Variants in TRIM24 observed in about 807,000 individuals in gnomAD.
TRIM24 encodes the protein tripartite motif containing 24, also known as transcription intermediary factor 1-alpha.
TRIM24 carries 29 observed loss-of-function variants against 123.9 expected under a neutral mutation model. That is an observed-to-expected ratio of 0.23 (90% CI 0.17 to 0.32). The LOEUF (loss-of-function observed/expected upper bound fraction) is 0.32, where lower values mean the gene tolerates loss of function less well. TRIM24 is among the 10% of genes least tolerant of loss of function. The pLI is 1.00. For synonymous variants in TRIM24, 456 were observed against 461.1 expected, an observed-to-expected ratio of 0.99 and a Z score of 0.14; for missense variants, 932 against 1,295.3, an observed-to-expected ratio of 0.72 and a Z score of 4.31.
chr7:138,475,535 G>A (rs1289554866), intron 1 of TRIM24, among the ~76,000 whole-genome samples: 1 of 152,152 alleles, frequency 6.6e-6, no homozygotes, highest in African/African-American at 2.4e-5. Flanking sequence ...TTTCGTTGCT[G>A]TTTTGAGTCT....
chr7:138,508,686 T>TGCGC (rs1168887347), intron 2 of TRIM24, among the ~76,000 whole-genome samples: 42 of 86,004 alleles, frequency 4.9e-4, no homozygotes, highest in Admixed American at 2.1e-3. Flanking sequence ...TGTGTGTGTG[T>TGCGC]GTGTGTGCGC....
At chr7:138,563,951 C>T (rs7798697) in intron 9 of TRIM24, among the ~76,000 whole-genome samples, 8,327 of 152,254 alleles carry the variant, frequency 0.055, 747 homozygotes, top group African/African-American at 0.19. Flanking sequence ...GTTAAGTGTG[C>T]CTTCAGGTGC....
intron 1 of TRIM24, among the ~76,000 whole-genome samples, chr7:138,474,820 TATC>T (rs773376151): frequency 1.3e-5 from 2 of 152,230 alleles, no homozygotes; most frequent in African/African-American, 2.4e-5. Context: ...TTTACACTAA[TATC>T]ATGCTGTTGA....
chr7:138,512,532 G>A lies in TRIM24; in HGVS notation c.484-2680G>A, dbSNP rs150362775. Among the ~76,000 whole-genome samples the A allele has an allele frequency of 2.3e-3, 348 of 152,236 alleles. 3 individuals are homozygous for A. The highest frequency in any genetic ancestry group is 7.8e-3 in the African/African-American group (322 of 41,540). ...CCAAATCTCACCTCATGCATTCTGT[G>A]TATCTGCAGGTTTAACAGCACATGG... On this transcript the variant is annotated intron_variant, in intron 2 of 18. Transcript: ENST00000343526.
Position 138,585,013 on chromosome 7 carries a change from C to A in TRIM24, c.*62C>A. The A allele has an allele frequency of 7.0e-7, 1 of 1,420,720 alleles. No individual in the cohort carries two copies. Among genetic ancestry groups the A allele is most frequent in the South Asian group, 1.3e-5 (1 of 74,804 alleles). 88.0% of individuals were successfully genotyped at this position (1,420,720 alleles called of 1,614,324 possible). A position where few individuals can be genotyped will look rare whatever the true frequency, so the allele number is the denominator to read the frequency against. On this transcript the variant is annotated 3_prime_UTR_variant, in exon 19 of 19. Coordinates refer to ENST00000343526, the MANE Select transcript of TRIM24 (RefSeq NM_015905.3). ...TTTTTGTTTTCAAAAAAACATTTGT[C>A]AGTAATTTAACATCACTACAAAAAG...
At chr7:138,582,379 A>G (rs1359731165) in intron 17 of TRIM24, among the ~76,000 whole-genome samples, 1 of 152,026 alleles carries the variant, frequency 6.6e-6, no homozygotes, top group Non-Finnish European at 1.5e-5. Context: ...CGTCTCTACT[A>G]AAAATACAAA....
At chr7:138,545,622 G>T in intron 7 of TRIM24, 2 of 426,366 alleles carry the variant, frequency 4.7e-6, no homozygotes, top group Non-Finnish European at 9.5e-6. Flanking sequence ...CTGTATGTGT[G>T]TATGTATTCG....
intron 1 of TRIM24, among the ~76,000 whole-genome samples, chr7:138,461,831 T>G (rs1794982361): frequency 6.6e-6 from 1 of 152,206 alleles, no homozygotes; most frequent in South Asian, 2.1e-4. Context: ...TTTAATACTT[T>G]TTAGAGGAAA....
rs1398259972 is a variant in TRIM24, at chr7:138,460,362, C to G, written c.-187C>G. 8 of 511,212 alleles carry G rather than the reference C, an allele frequency of 1.6e-5. No homozygotes were observed. The highest frequency in any genetic ancestry group is 2.4e-5 in the Non-Finnish European group (8 of 330,234). 31.7% of individuals were successfully genotyped at this position (511,212 alleles called of 1,614,324 possible). A position where few individuals can be genotyped will look rare whatever the true frequency, so the allele number is the denominator to read the frequency against. ...AGATACCCTCCTTCCGGCCGCGCCA[C>G]TCGGGAGGCGGATCCCGTGGGCCTG... On this transcript the variant is annotated 5_prime_UTR_variant, in exon 1 of 19. Transcript: ENST00000343526.
intron 1 of TRIM24, among the ~76,000 whole-genome samples, chr7:138,499,207 T>C (rs1795978015): frequency 6.6e-6 from 1 of 152,238 alleles, no homozygotes; most frequent in Non-Finnish European, 1.5e-5. Context: ...GTTCTCACTT[T>C]ATCTCTTGTA....
chr7:138,580,683 A>G lies in TRIM24; in HGVS notation c.2707A>G (p.Ile903Val), dbSNP rs1357573771. ...TGAAGGCCTTGTTAAGTTAACACCT[A>G]TAGATAAAAGGGTAAGTCTTTGGTA... ...KTEGLVKLTP[I>V]DKRKCERLLL... Residue 903 changes from isoleucine to valine, a missense_variant, in exon 16 of 19, where the codon ATA becomes GTA. Ile to Val is a conservative substitution (Grantham distance 29). Coordinates refer to ENST00000343526, the MANE Select transcript of TRIM24 (RefSeq NM_015905.3). 1.2e-6 allele frequency: 2 copies of G among 1,613,516 alleles called. No homozygotes were observed. Among genetic ancestry groups the G allele is most frequent in the South Asian group, 1.1e-5 (1 of 90,992 alleles).
At chr7:138,552,037 T>C (rs2116631693) in intron 8 of TRIM24, among the ~76,000 whole-genome samples, 1 of 152,324 alleles carries the variant, frequency 6.6e-6, no homozygotes, top group East Asian at 1.9e-4. Flanking sequence ...CAGTTTTTTT[T>C]TTTACTTTAT....
rs1351125384 is a variant in TRIM24, at chr7:138,583,982, T to G, written c.2926T>G (p.Cys976Gly). ...VADFRLIFQN[C>G]AEFNEPDSEV... Reference sequence around the variant, plus strand: ...TGATTTTAGATTGATCTTTCAAAACTGTGCTGAATTCAATGAGGTGAGGCT... The same window carrying G: ...TGATTTTAGATTGATCTTTCAAAACGGTGCTGAATTCAATGAGGTGAGGCT... The change falls in exon 18 of 19, where the codon TGT becomes GGT. Residue 976 changes from cysteine (C) to glycine (G), a missense_variant. Cys to Gly is a radical substitution (Grantham distance 159). Around this residue, in one of 7 missense-constraint regions of TRIM24, gnomAD observed 104 missense variants for 121.5 expected, o/e 0.86. Transcript: ENST00000343526. The G allele has an allele frequency of 6.2e-7, 1 of 1,608,022 alleles. No individual in the cohort carries two copies. The highest frequency in any genetic ancestry group is 8.5e-7 in the Non-Finnish European group (1 of 1,178,284).
At chr7:138,464,956 G>C (rs973355132) in intron 1 of TRIM24, among the ~76,000 whole-genome samples, 9 of 152,044 alleles carry the variant, frequency 5.9e-5, no homozygotes, top group Admixed American at 2.0e-4. Flanking sequence ...TTCAGATCTA[G>C]TTTCCCTTTC....
chr7:138,516,256 C>T (rs1344344693), intron 3 of TRIM24, among the ~76,000 whole-genome samples: 2 of 152,098 alleles, frequency 1.3e-5, no homozygotes, highest in African/African-American at 4.8e-5. Context: ...GAGCCGAGAT[C>T]GCACCACTGC....
chr7:138,528,882 AT>A (rs1180712935), intron 5 of TRIM24, among the ~76,000 whole-genome samples: 2 of 144,888 alleles, frequency 1.4e-5, no homozygotes, highest in Non-Finnish European at 3.0e-5. Context: ...TTCTCTTCTA[AT>A]TTTATATATA....
chr7:138,545,163 C>T (rs916258295), intron 7 of TRIM24, among the ~76,000 whole-genome samples: 8 of 149,482 alleles, frequency 5.4e-5, no homozygotes, highest in Admixed American at 2.0e-4. Flanking sequence ...ATAAAATCTG[C>T]GTGTGTGTGT....
In TRIM24 at chr7:138,588,236, A is replaced by C. The variant is rs1798050907; in HGVS notation, c.*3285A>C. 6.6e-6 allele frequency: 1 copy of C among 152,168 alleles called. No individual in the cohort carries two copies. Among genetic ancestry groups the C allele is most frequent in the Non-Finnish European group, 1.5e-5 (1 of 68,034 alleles). 9.4% of individuals were successfully genotyped at this position (152,168 alleles called of 1,614,324 possible). A position where few individuals can be genotyped will look rare whatever the true frequency, so the allele number is the denominator to read the frequency against. ...CCTTACGTTTGAGTTCCAAGGAGAGAGAGTGAGAAGAGGAACTCCTTTTGC... is the reference window on the plus strand; with the variant it reads ...CCTTACGTTTGAGTTCCAAGGAGAGCGAGTGAGAAGAGGAACTCCTTTTGC... On this transcript the variant is annotated 3_prime_UTR_variant, in exon 19 of 19. Transcript: ENST00000343526.
intron 1 of TRIM24, among the ~76,000 whole-genome samples, chr7:138,495,369 C>G (rs1473773124): frequency 6.6e-6 from 1 of 152,136 alleles, no homozygotes; most frequent in Admixed American, 6.5e-5. Context: ...TTGATTCTGA[C>G]AGTCTGTTTC....
Sources: gnomAD v4.1 joint callset for allele counts (sites outside exome capture counted in the v4.1 genomes callset) on GRCh38, gnomAD v4.1.1 for gene constraint, gnomAD v4.1.1 regional missense constraint, MANE v1.5 for transcripts, NCBI Gene and HGNC (gene_info 2026-07-23, HGNC 2026-07-21) for gene names.